The following NFATC1 variants were observed in gnomAD, a reference collection of about 807,000 sequenced individuals.
NFATC1 encodes the protein nuclear factor of activated T cells 1, also known as nuclear factor of activated T-cells, cytoplasmic 1.
A neutral mutation model predicts 76.0 loss-of-function variants in NFATC1; 22 were observed. That is an observed-to-expected ratio of 0.29 (90% CI 0.21 to 0.41). The LOEUF is 0.41. Ranked by LOEUF, NFATC1 falls within the 10% of genes least tolerant of loss-of-function variation. The pLI is 1.00. For missense variants in NFATC1, 1,357 were observed against 1,337.7 expected, an observed-to-expected ratio of 1.01 and a Z score of -0.23; for synonymous variants, 704 against 613.1, an observed-to-expected ratio of 1.15 and a Z score of -2.19.
At chr18:79,495,576 G>A (rs1164038427) in intron 9 of NFATC1, among the ~76,000 whole-genome samples, 1 of 152,240 alleles carries the variant, frequency 6.6e-6, no homozygotes, top group African/African-American at 2.4e-5. Context: ...AAGAGCTGGA[G>A]AGATTTCACA....
At chr18:79,458,400 G>C (rs1163625851) in intron 6 of NFATC1, among the ~76,000 whole-genome samples, 1 of 152,128 alleles carries the variant, frequency 6.6e-6, no homozygotes, top group Non-Finnish European at 1.5e-5. Flanking sequence ...GGACGCTGCT[G>C]CTTCCACCAG....
At chr18:79,521,296 T>G (rs1197285093) in intron 9 of NFATC1, among the ~76,000 whole-genome samples, 98 of 28,906 alleles carry the variant, frequency 3.4e-3, no homozygotes, top group African/African-American at 9.9e-3. Context: ...TCTGTGTGTG[T>G]GGGGGGGGGC....
Position 79,528,136 on chromosome 18 carries a change from T to C in NFATC1, c.*559T>C, listed in dbSNP as rs2090816666. On this transcript the variant is annotated 3_prime_UTR_variant, in exon 10 of 10. Coordinates refer to ENST00000427363, the MANE Select transcript of NFATC1 (RefSeq NM_001278669.2). ...ACGTTTCCTGGGCTGTCACGTACAC[T>C]CCTGCTGCCTTACACAGTGCATTTT... 1 of 395,582 alleles carries C rather than the reference T, an allele frequency of 2.5e-6. No homozygotes were observed. The highest frequency in any genetic ancestry group is 4.5e-6 in the Non-Finnish European group (1 of 224,660). 24.5% of individuals were successfully genotyped at this position (395,582 alleles called of 1,614,324 possible).
intron 9 of NFATC1, among the ~76,000 whole-genome samples, chr18:79,488,830 C>T (rs928809631): frequency 2.6e-5 from 4 of 152,240 alleles, no homozygotes; most frequent in African/African-American, 9.6e-5. Context: ...TTGTGACCCA[C>T]CAGCTCTGGG....
chr18:79,492,154 T>C (rs1183696777), intron 9 of NFATC1, among the ~76,000 whole-genome samples: 3 of 152,188 alleles, frequency 2.0e-5, no homozygotes. Flanking sequence ...GTGTCCGTGT[T>C]TGCATCCCTG....
rs1457678916 is a variant in NFATC1, at chr18:79,411,308, T to G, written c.1033T>G (p.Ser345Ala). The G allele has an allele frequency of 6.2e-7, 1 of 1,602,830 alleles. No homozygotes were observed. The highest frequency in any genetic ancestry group is 1.3e-5 in the African/African-American group (1 of 74,822). ...SRKTTLEQPP[S>A]VALKVEPVGE... ...CAAGACCACCCTGGAGCAGCCGCCCTCAGTGGCGCTCAAGGTGGAGCCCGT... is the reference window on the plus strand; with the variant it reads ...CAAGACCACCCTGGAGCAGCCGCCCGCAGTGGCGCTCAAGGTGGAGCCCGT... Residue 345 changes from serine (S) to alanine (A), a missense_variant, in exon 2 of 10, where the codon TCA becomes GCA. This residue lies in a region of NFATC1 where 691 missense variants were observed against 613.1 expected (regional missense o/e 1.13). Coordinates refer to ENST00000427363, the MANE Select transcript of NFATC1 (RefSeq NM_001278669.2).
chr18:79,511,312 C>T (rs562704964), intron 9 of NFATC1, among the ~76,000 whole-genome samples: 13 of 152,332 alleles, frequency 8.5e-5, no homozygotes, highest in Admixed American at 5.9e-4. Flanking sequence ...TGCCTCCCCC[C>T]TCCCCGCTGC....
chr18:79,436,775 AG>A (rs2086794517), intron 3 of NFATC1, among the ~76,000 whole-genome samples: 1 of 151,560 alleles, frequency 6.6e-6, no homozygotes, highest in South Asian at 2.1e-4. Context: ...GAGGGGCGTG[AG>A]GGGGTCCGGC....
intron 9 of NFATC1, among the ~76,000 whole-genome samples, chr18:79,503,112 C>T (rs1269769129): frequency 6.6e-6 from 1 of 152,234 alleles, no homozygotes; most frequent in African/African-American, 2.4e-5. Flanking sequence ...GGTTTATCCT[C>T]ACCCGAGTGT....
intron 8 of NFATC1, chr18:79,469,575 T>C: frequency 1.0e-6 from 1 of 985,398 alleles, no homozygotes; most frequent in Non-Finnish European, 1.2e-6. Context: ...CCGGCTCCCC[T>C]CTCAGCATTG....
intron 4 of NFATC1, 39 bp from the exon 5 acceptor site, chr18:79,450,915 G>C: frequency 4.4e-6 from 7 of 1,596,296 alleles, no homozygotes; most frequent in Non-Finnish European, 4.3e-6. Flanking sequence ...TCCCGCGTCA[G>C]CCATTGAAAG....
At position 79,446,534 on chromosome 18, in the gene NFATC1, A is replaced by G. The variant is rs1446672991; in HGVS notation, c.1387-2248A>G. On this transcript the variant is annotated intron_variant, in intron 3 of 9. Transcript: ENST00000427363. ...ATCTGCTTTTCTTTTTACATTTCCC[A>G]TCATAAAGATGTTTGAGTCCCACAG... Among the ~76,000 whole-genome samples the G allele has an allele frequency of 4.6e-5, 7 of 152,120 alleles. No homozygotes were observed. The East Asian group carries it at 1.2e-3, about 25-fold the overall frequency.
At chr18:79,494,244 C>T (rs1345925252) in intron 9 of NFATC1, among the ~76,000 whole-genome samples, 1 of 148,814 alleles carries the variant, frequency 6.7e-6, no homozygotes, top group African/African-American at 2.5e-5. Context: ...CGGGGGAAGG[C>T]GAGAGCGGGC....
chr18:79,462,972 C>T (rs1208320946), intron 7 of NFATC1, among the ~76,000 whole-genome samples: 2 of 152,208 alleles, frequency 1.3e-5, no homozygotes, highest in Admixed American at 6.5e-5. Flanking sequence ...GTTGGTGGGA[C>T]GATCGGTGGC....
intron 2 of NFATC1, among the ~76,000 whole-genome samples, chr18:79,424,321 C>T (rs1568942553): frequency 6.6e-6 from 1 of 152,224 alleles, no homozygotes; most frequent in Non-Finnish European, 1.5e-5. Context: ...TTCTCAGGGC[C>T]GAGTTCTGCC....
intron 9 of NFATC1, chr18:79,493,973 C>CA (rs2089783237): frequency 6.6e-6 from 1 of 152,310 alleles, no homozygotes; most frequent in Admixed American, 6.5e-5. Context: ...GGCAGCTCCC[C>CA]AACGCCAAGA....
intron 8 of NFATC1, among the ~76,000 whole-genome samples, chr18:79,478,974 G>A (rs1014001237): frequency 6.6e-6 from 1 of 152,222 alleles, no homozygotes; most frequent in Non-Finnish European, 1.5e-5. Context: ...TCCACAGACA[G>A]TCCCCATGGA....
Position 79,465,235 on chromosome 18 carries a change from C to T in NFATC1, c.1960-2215C>T, listed in dbSNP as rs2088415642. On this transcript the variant is annotated intron_variant, in intron 7 of 9. Transcript: ENST00000427363. The surrounding 1 kb of genome is among the most constrained non-coding windows in gnomAD (Gnocchi z 4.2). ...CTGTGTGTATTTAAGTGGCAGTGCT[C>T]CCACGGAGATAGTATTTTTGTCATA... Among the ~76,000 whole-genome samples the T allele has an allele frequency of 1.3e-5, 2 of 152,136 alleles. No homozygotes were observed. The highest frequency in any genetic ancestry group is 2.9e-5 in the Non-Finnish European group (2 of 68,010).
At chr18:79,464,387 G>A (rs938632788) in intron 7 of NFATC1, among the ~76,000 whole-genome samples, 3 of 152,004 alleles carry the variant, frequency 2.0e-5, no homozygotes, top group Admixed American at 6.5e-5. Context: ...GAGCCACCGC[G>A]CCCGGCCTGC....
Sources: allele counts gnomAD v4.1 joint callset (sites outside exome capture counted in the v4.1 genomes callset), GRCh38; gene constraint gnomAD v4.1.1; regional missense constraint gnomAD v4.1.1; non-coding constraint Gnocchi (gnomAD v3.1); transcripts MANE v1.5; gene names NCBI Gene and HGNC (gene_info 2026-07-23, HGNC 2026-07-21).